The following LSAMP variants were observed in gnomAD, a reference collection of about 807,000 sequenced individuals.
The protein encoded by LSAMP is limbic system-associated membrane protein.
In LSAMP, 7 loss-of-function variants were observed where a neutral mutation model predicts 38.6. That is an observed-to-expected ratio of 0.18 (90% CI 0.10 to 0.34). The LOEUF is 0.34. LSAMP is among the 10% of genes least tolerant of loss of function. The pLI is 1.00. For missense variants in LSAMP, 313 were observed against 420.0 expected (o/e 0.75, Z 2.23); for synonymous variants, 154 against 166.8 (o/e 0.92, Z 0.59).
chr3:115,969,668 A>G (rs1213645112), intron 3 of LSAMP, among the ~76,000 whole-genome samples: 2 of 152,146 alleles, frequency 1.3e-5, no homozygotes, highest in Admixed American at 6.5e-5. Context: ...TGTTTCTGAC[A>G]TTTTACTCAG....
In LSAMP at chr3:115,807,382, ACAC is replaced by A. The variant is rs1933654279; in HGVS notation, c.*2932_*2934del. On this transcript the variant is annotated 3_prime_UTR_variant, in exon 7 of 7. Coordinates refer to ENST00000490035, the MANE Select transcript of LSAMP (RefSeq NM_002338.5). Reference sequence around the variant, plus strand: ...AAGATCCTGCTAGAGACACAGGCAAACACCACATTTAAATATATGTTTAATTAT... The same window carrying A: ...AAGATCCTGCTAGAGACACAGGCAAACACATTTAAATATATGTTTAATTAT... The A allele has an allele frequency of 6.6e-6, 1 of 152,188 alleles. No individual in the cohort carries two copies. The highest frequency in any genetic ancestry group is 2.4e-5 in the African/African-American group (1 of 41,430). 9.4% of individuals were successfully genotyped at this position (152,188 alleles called of 1,614,324 possible).
chr3:116,043,429 AG>A (rs1191545665), intron 2 of LSAMP, among the ~76,000 whole-genome samples: 6 of 152,290 alleles, frequency 3.9e-5, no homozygotes, highest in African/African-American at 1.4e-4. Flanking sequence ...ACTTTGCTTG[AG>A]GAAGGAATGA....
At chr3:116,400,958 A>G (rs1368527700) in intron 1 of LSAMP, among the ~76,000 whole-genome samples, 1 of 152,180 alleles carries the variant, frequency 6.6e-6, no homozygotes, top group Non-Finnish European at 1.5e-5. Context: ...TCTACTAGCA[A>G]ATAGTGTCCC....
At chr3:115,858,598 C>A (rs1458557308) in intron 3 of LSAMP, among the ~76,000 whole-genome samples, 1 of 152,018 alleles carries the variant, frequency 6.6e-6, no homozygotes, top group Non-Finnish European at 1.5e-5. Context: ...GTTGCTATTC[C>A]TTTTACTCAC....
intron 3 of LSAMP, among the ~76,000 whole-genome samples, chr3:115,888,582 T>A (rs891208767): frequency 5.3e-5 from 8 of 151,938 alleles, no homozygotes; most frequent in African/African-American, 1.9e-4. Context: ...AGGGATATAC[T>A]CAAACTGATC....
chr3:115,851,050 T>C (rs1437174320), intron 4 of LSAMP, among the ~76,000 whole-genome samples: 1 of 152,188 alleles, frequency 6.6e-6, no homozygotes, highest in East Asian at 1.9e-4. Flanking sequence ...CTCGGCTCAC[T>C]GCAACCTCCA....
At chr3:116,390,471 G>T (rs541146545) in intron 1 of LSAMP, among the ~76,000 whole-genome samples, 5 of 152,228 alleles carry the variant, frequency 3.3e-5, no homozygotes, top group Admixed American at 2.0e-4. Flanking sequence ...GAATAGTCAG[G>T]TATGAGAGCA....
intron 1 of LSAMP, among the ~76,000 whole-genome samples, chr3:116,211,388 T>C (rs1342974998): frequency 2.0e-5 from 3 of 152,232 alleles, no homozygotes; most frequent in Non-Finnish European, 2.9e-5. Flanking sequence ...AATGCATATG[T>C]TAATTAGCAC....
chr3:115,850,579 C>A (rs999829115), intron 4 of LSAMP, among the ~76,000 whole-genome samples: 2 of 152,110 alleles, frequency 1.3e-5, no homozygotes, highest in Non-Finnish European at 2.9e-5. Flanking sequence ...TGAAACACAC[C>A]CAACACTAGA....
intron 2 of LSAMP, among the ~76,000 whole-genome samples, chr3:116,035,791 T>C (rs1388037160): frequency 6.6e-6 from 1 of 152,228 alleles, no homozygotes; most frequent in Non-Finnish European, 1.5e-5. Context: ...TCTCAATTTA[T>C]TGTCTATTAT....
intron 1 of LSAMP, among the ~76,000 whole-genome samples, chr3:116,232,137 T>A (rs2046408400): frequency 6.6e-6 from 1 of 152,172 alleles, no homozygotes; most frequent in East Asian, 1.9e-4. Flanking sequence ...AAATACACAT[T>A]AAATCAATAG....
At chr3:115,919,740 T>C (rs1382662013) in intron 3 of LSAMP, among the ~76,000 whole-genome samples, 1 of 152,050 alleles carries the variant, frequency 6.6e-6, no homozygotes, top group East Asian at 1.9e-4. Context: ...GCCTCCCGAG[T>C]AGCTGGGATT....
In LSAMP at chr3:116,236,837, A is replaced by G. The variant is rs1025306025; in HGVS notation, c.156-150281T>C. 2.1e-5 allele frequency among the ~76,000 whole-genome samples: 3 copies of G among 140,770 alleles called. No individual in the cohort carries two copies. In the East Asian group the frequency reaches 6.5e-4, roughly 30 times the overall value. 92.4% of individuals were successfully genotyped at this position (140,770 alleles called of 152,430 possible). A position where few individuals can be genotyped will look rare whatever the true frequency, so the allele number is the denominator to read the frequency against. ...TATTCCTTTAAGATAGACTTTAAAC[A>G]TTAGTCTGCCTATATGGGCCTTAGA... On this transcript the variant is annotated intron_variant, in intron 1 of 6. Transcript: ENST00000490035.
intron 1 of LSAMP, among the ~76,000 whole-genome samples, chr3:116,229,440 A>G (rs1420524640): frequency 6.6e-6 from 1 of 152,136 alleles, no homozygotes; most frequent in Non-Finnish European, 1.5e-5. Flanking sequence ...GGCAATTGCC[A>G]ACATACAAAG....
rs1278274862 is a variant in LSAMP at position 116,022,298 on chromosome 3, CT to C, written c.389-2659del. 2.0e-5 allele frequency among the ~76,000 whole-genome samples: 3 copies of C among 151,660 alleles called. 1 individual carries two copies. The East Asian group carries it at 5.8e-4, about 29-fold the overall frequency. On this transcript the variant is annotated intron_variant, in intron 2 of 6. Transcript: ENST00000490035. ...CAGGAGATCCTGAGAACATGTGTCC[CT>C]TTTTTATTTTTATTTTTTTCCCATC...
intron 1 of LSAMP, among the ~76,000 whole-genome samples, chr3:116,112,102 G>A (rs986224806): frequency 6.6e-6 from 1 of 152,212 alleles, no homozygotes; most frequent in Non-Finnish European, 1.5e-5. Context: ...AAGCTTCTTA[G>A]CTGAATAACA....
chr3:116,065,320 T>C (rs1707397438), intron 2 of LSAMP, among the ~76,000 whole-genome samples: 1 of 152,250 alleles, frequency 6.6e-6, no homozygotes, highest in African/African-American at 2.4e-5. Flanking sequence ...TCATGATATT[T>C]ATCATTTCAT....
chr3:115,844,629 C>T (rs1229695820), intron 4 of LSAMP, among the ~76,000 whole-genome samples: 4 of 152,112 alleles, frequency 2.6e-5, no homozygotes, highest in Non-Finnish European at 4.4e-5. Context: ...TGTCCTTCCT[C>T]GTTTGAGAGT....
intron 3 of LSAMP, among the ~76,000 whole-genome samples, chr3:115,943,970 C>G (rs999031681): frequency 6.6e-6 from 1 of 152,156 alleles, no homozygotes; most frequent in African/African-American, 2.4e-5. Context: ...CCTGGTGGCT[C>G]AAAATCCAGG....
Sources: gnomAD v4.1 joint callset for allele counts (sites outside exome capture counted in the v4.1 genomes callset) on GRCh38, gnomAD v4.1.1 for gene constraint, MANE v1.5 for transcripts, NCBI Gene and HGNC (gene_info 2026-07-23, HGNC 2026-07-21) for gene names.